The following TBC1D16 variants were observed in gnomAD, a reference collection of about 807,000 sequenced individuals.
The protein encoded by TBC1D16 is CTD-2529O21.1.
In TBC1D16, 58 loss-of-function variants were observed where a neutral mutation model predicts 74.7. The observed-to-expected ratio is 0.78, with a 90% CI of 0.63 to 0.97. The LOEUF is 0.97. Among genes scored for constraint, TBC1D16 ranks in the 50% least tolerant of loss-of-function variants. TBC1D16 has a pLI of 0.00. For synonymous variants in TBC1D16, 493 were observed against 474.7 expected, an observed-to-expected ratio of 1.04 and a Z score of -0.50; for missense variants, 1,014 against 1,079.5, an observed-to-expected ratio of 0.94 and a Z score of 0.85.
In TBC1D16 at chr17:79,980,176, G is replaced by A. The variant is rs970773922; in HGVS notation, c.780-27358C>T. The stretch of plus-strand genomic sequence containing the variant: ...AGGCTGGTGGCTTCCCAACTTTTCC[G>A]TGACGTTCCCCTAGGCAATTTAAAA... On this transcript the variant is annotated intron_variant, in intron 3 of 11. Coordinates refer to ENST00000310924, the MANE Select transcript of TBC1D16 (RefSeq NM_019020.4). This position sits in a 1 kb window ranked among gnomAD's most constrained non-coding sequence, Gnocchi z 7.0. Among the ~76,000 whole-genome samples the A allele has an allele frequency of 3.9e-5, 6 of 152,130 alleles. No individual in the cohort carries two copies. Among genetic ancestry groups the A allele is most frequent in the African/African-American group, 1.2e-4 (5 of 41,418 alleles).
chr17:79,986,771 G>A lies in TBC1D16; in HGVS notation c.779+23389C>T, dbSNP rs2034853596. On this transcript the variant is annotated intron_variant, in intron 3 of 11. Transcript: ENST00000310924. The surrounding 1 kb of genome is among the most constrained non-coding windows in gnomAD (Gnocchi z 6.0). ...GGCTCTACACACCCGGCCCTCCTCA[G>A]AGCCTCAGCCCGCAGCGGGAGATGA... is the stretch of plus-strand genomic sequence containing the variant. 6.6e-6 allele frequency among the ~76,000 whole-genome samples: 1 copy of A among 152,180 alleles called. No homozygotes were observed. Among genetic ancestry groups the A allele is most frequent in the African/African-American group, 2.4e-5 (1 of 41,450 alleles).
At chr17:79,997,726 T>C (rs1053819293) in intron 3 of TBC1D16, among the ~76,000 whole-genome samples, 1 of 152,250 alleles carries the variant, frequency 6.6e-6, no homozygotes, top group Non-Finnish European at 1.5e-5. Flanking sequence ...TTATCAGTAA[T>C]AACTGACGTT....
intron 10 of TBC1D16, among the ~76,000 whole-genome samples, chr17:79,942,906 C>T (rs867939536): frequency 1.4e-4 from 21 of 152,260 alleles, no homozygotes; most frequent in African/African-American, 4.8e-4. Context: ...GGCCTGCCAG[C>T]AACGCGCTGT....
At chr17:79,955,795 T>A (rs1348769244) in intron 3 of TBC1D16, among the ~76,000 whole-genome samples, 1 of 152,192 alleles carries the variant, frequency 6.6e-6, no homozygotes, top group Non-Finnish European at 1.5e-5. Context: ...GCACTATCAC[T>A]GGAAAACAAA....
chr17:80,032,439 C>T (rs1040903932), intron 1 of TBC1D16, among the ~76,000 whole-genome samples: 5 of 152,072 alleles, frequency 3.3e-5, no homozygotes, highest in African/African-American at 1.2e-4. Context: ...TACAGTGGCC[C>T]GATTTCTCTC....
intron 1 of TBC1D16, among the ~76,000 whole-genome samples, chr17:80,027,610 A>G (rs1328802954): frequency 6.6e-6 from 1 of 151,244 alleles, no homozygotes; most frequent in African/African-American, 2.4e-5. Flanking sequence ...AAAAAAAAAG[A>G]GGCCGGGTGC....
At position 79,990,853 on chromosome 17, in the gene TBC1D16, T is replaced by C. The variant is rs976139876; in HGVS notation, c.779+19307A>G. ...GGAATCACACAGATTTGGCCCCTTA[T>C]GTCTGGCTCATTTCACTCGGCGTAA... On this transcript the variant is annotated intron_variant, in intron 3 of 11. Transcript: ENST00000310924. This position sits in a 1 kb window ranked among gnomAD's most constrained non-coding sequence, Gnocchi z 4.8. Among the ~76,000 whole-genome samples, 1 of 152,206 alleles carries C rather than the reference T, an allele frequency of 6.6e-6. No homozygotes were observed. Among genetic ancestry groups the C allele is most frequent in the Non-Finnish European group, 1.5e-5 (1 of 68,034 alleles).
rs7221608 is a variant in TBC1D16, at chr17:79,954,218, C to G, written c.780-1400G>C. ...TTCCCGTTTGAGCTCAGAACATAAA[C>G]TATTAGAGGCAATCAATCCAGAGGC... On this transcript the variant is annotated intron_variant, in intron 3 of 11. Transcript: ENST00000310924. The surrounding 1 kb of genome is among the most constrained non-coding windows in gnomAD (Gnocchi z 5.5). 0.12 allele frequency among the ~76,000 whole-genome samples: 18,142 copies of G among 152,158 alleles called. 1,098 individuals are homozygous for G. The highest frequency in any genetic ancestry group is 0.14 in the South Asian group (680 of 4,812).
chr17:79,994,077 G>T lies in TBC1D16; in HGVS notation c.779+16083C>A, dbSNP rs940235652. On this transcript the variant is annotated intron_variant, in intron 3 of 11. Transcript: ENST00000310924. This position sits in a 1 kb window ranked among gnomAD's most constrained non-coding sequence, Gnocchi z 4.6. ...AACTTCCTTCTTTTTGGTTCAGGAG[G>T]TTTGAGGCACTTATTTCCTCCCTGT... Among the ~76,000 whole-genome samples the T allele has an allele frequency of 6.6e-6, 1 of 152,114 alleles. No homozygotes were observed. The highest frequency in any genetic ancestry group is 2.4e-5 in the African/African-American group (1 of 41,386).
Position 79,941,177 on chromosome 17 carries a change from T to C in TBC1D16, c.2056-70A>G. 1.4e-6 allele frequency: 2 copies of C among 1,455,580 alleles called. No individual in the cohort carries two copies. Among genetic ancestry groups the C allele is most frequent in the Non-Finnish European group, 1.8e-6 (2 of 1,083,398 alleles). 90.2% of individuals were successfully genotyped at this position (1,455,580 alleles called of 1,614,324 possible). ...TGGCAGCCTAGGGTCCCCATGGGAG[T>C]GGCCAAAGACAGCAACAGCAGCAAC... On this transcript the variant is annotated intron_variant, in intron 11 of 11. Coordinates refer to ENST00000310924, the MANE Select transcript of TBC1D16 (RefSeq NM_019020.4). This position sits in a 1 kb window ranked among gnomAD's most constrained non-coding sequence, Gnocchi z 4.3.
At chr17:80,021,801 C>A (rs2036292276) in intron 1 of TBC1D16, among the ~76,000 whole-genome samples, 1 of 149,888 alleles carries the variant, frequency 6.7e-6, no homozygotes, top group African/African-American at 2.5e-5. Flanking sequence ...TACACACACA[C>A]CATAGACACA....
rs2035499956 is a variant in TBC1D16, at chr17:80,001,876, C to G, written c.779+8284G>C. On this transcript the variant is annotated intron_variant, in intron 3 of 11. Transcript: ENST00000310924. The surrounding 1 kb of genome is among the most constrained non-coding windows in gnomAD (Gnocchi z 5.8). ...CCGCCTCCTGCTCCCTTCCTCATCC[C>G]CTGCTTTGTGTCCCCGTCTCCTGCT... is the stretch of plus-strand genomic sequence containing the variant. Among the ~76,000 whole-genome samples, 1 of 151,988 alleles carries G rather than the reference C, an allele frequency of 6.6e-6. No homozygotes were observed. The highest frequency in any genetic ancestry group is 1.9e-4 in the East Asian group (1 of 5,180).
In TBC1D16 at chr17:79,994,087, C is replaced by G. The variant is rs1298496764; in HGVS notation, c.779+16073G>C. The stretch of plus-strand genomic sequence containing the variant: ...TTTTTGGTTCAGGAGGTTTGAGGCA[C>G]TTATTTCCTCCCTGTCCTGACAGTT... On this transcript the variant is annotated intron_variant, in intron 3 of 11. Transcript: ENST00000310924. This position sits in a 1 kb window ranked among gnomAD's most constrained non-coding sequence, Gnocchi z 4.6. 1.3e-5 allele frequency among the ~76,000 whole-genome samples: 2 copies of G among 152,060 alleles called. No individual in the cohort carries two copies. The highest frequency in any genetic ancestry group is 3.9e-4 in the East Asian group (2 of 5,194).
In TBC1D16 at chr17:79,934,481, A is replaced by G. The variant is rs2031459219; in HGVS notation, c.*6378T>C. The G allele has an allele frequency of 6.6e-6, 1 of 152,280 alleles. No individual in the cohort carries two copies. Among genetic ancestry groups the G allele is most frequent in the Non-Finnish European group, 1.5e-5 (1 of 68,068 alleles). 9.4% of individuals were successfully genotyped at this position (152,280 alleles called of 1,614,324 possible). A position where few individuals can be genotyped will look rare whatever the true frequency, so the allele number is the denominator to read the frequency against. The stretch of plus-strand genomic sequence containing the variant: ...CATGTGGCCACCACGGCTGTTGCAG[A>G]GTCCACGGTAAGAGCCAGGACGTGG... On this transcript the variant is annotated 3_prime_UTR_variant, in exon 12 of 12. Coordinates refer to ENST00000310924, the MANE Select transcript of TBC1D16 (RefSeq NM_019020.4).
intron 4 of TBC1D16, among the ~76,000 whole-genome samples, 179 bp from the exon 5 acceptor site, chr17:79,951,776 C>T (rs576820516): frequency 6.6e-6 from 1 of 152,318 alleles, no homozygotes; most frequent in Admixed American, 6.5e-5. Context: ...AACCACCACC[C>T]CCTTTGCCGA....
At chr17:79,949,935 GAT>G in intron 6 of TBC1D16, 70 bp from the exon 7 acceptor site, 1 of 1,546,196 alleles carries the variant, frequency 6.5e-7, no homozygotes. Flanking sequence ...AATCCCCAGA[GAT>G]GTGTGTTTTG....
At chr17:79,984,893 C>T (rs1209161432) in intron 3 of TBC1D16, among the ~76,000 whole-genome samples, 1 of 147,292 alleles carries the variant, frequency 6.8e-6, no homozygotes, top group Non-Finnish European at 1.5e-5. Flanking sequence ...CTCCCCCCCA[C>T]CCACCCCACC....
rs1215088102 is a variant in TBC1D16, at chr17:79,971,232, A to G, written c.780-18414T>C. The stretch of plus-strand genomic sequence containing the variant: ...GAGATGGGGTTTCACCATGTTGGCC[A>G]GGCTGGTCTCAAACTCCTGGCCTCA... On this transcript the variant is annotated intron_variant, in intron 3 of 11. Transcript: ENST00000310924. The surrounding 1 kb of genome is among the most constrained non-coding windows in gnomAD (Gnocchi z 4.6). Among the ~76,000 whole-genome samples, 2 of 152,176 alleles carry G rather than the reference A, an allele frequency of 1.3e-5. No homozygotes were observed. The highest frequency in any genetic ancestry group is 4.8e-5 in the African/African-American group (2 of 41,448).
chr17:79,973,059 G>A (rs1484180599), intron 3 of TBC1D16, among the ~76,000 whole-genome samples: 4 of 152,202 alleles, frequency 2.6e-5, no homozygotes, highest in Non-Finnish European at 5.9e-5. Flanking sequence ...TCCAGCCTGG[G>A]CAACAGAGCG....
Sources: allele counts gnomAD v4.1 joint callset (sites outside exome capture counted in the v4.1 genomes callset), GRCh38; gene constraint gnomAD v4.1.1; non-coding constraint Gnocchi (gnomAD v3.1); transcripts MANE v1.5; gene names NCBI Gene and HGNC (gene_info 2026-07-23, HGNC 2026-07-21).